The following LPCAT2 variants were observed in gnomAD, a reference collection of about 807,000 sequenced individuals.
LPCAT2 encodes the protein 1-AGP acyltransferase 11.
A neutral mutation model predicts 64.7 loss-of-function variants in LPCAT2; 58 were observed. That is an observed-to-expected ratio of 0.90 (90% CI 0.73 to 1.12). The LOEUF is 1.12. Among genes scored for constraint, LPCAT2 ranks in the 50% most tolerant of loss-of-function variants. The pLI is 0.00. For missense variants in LPCAT2, 579 were observed against 669.8 expected, an observed-to-expected ratio of 0.86 and a Z score of 1.50; for synonymous variants, 252 against 245.3, an observed-to-expected ratio of 1.03 and a Z score of -0.26.
At chr16:55,572,474 C>G (rs771091532) in intron 11 of LPCAT2, among the ~76,000 whole-genome samples, 2 of 152,122 alleles carry the variant, frequency 1.3e-5, no homozygotes, top group African/African-American at 2.4e-5. Flanking sequence ...AGCAATAAAG[C>G]CATGGTTCAA....
At chr16:55,571,627 T>A (rs1161673463) in intron 11 of LPCAT2, among the ~76,000 whole-genome samples, 1 of 151,572 alleles carries the variant, frequency 6.6e-6, no homozygotes, top group Non-Finnish European at 1.5e-5. Flanking sequence ...CAAGTCTGGA[T>A]TTTTTTTTAT....
intron 11 of LPCAT2, among the ~76,000 whole-genome samples, chr16:55,559,858 A>G (rs1205190399): frequency 2.0e-5 from 3 of 150,680 alleles, no homozygotes; most frequent in Non-Finnish European, 4.4e-5. Flanking sequence ...GTTTGGTTCT[A>G]TATGTCTGAG....
Position 55,583,093 on chromosome 16 carries a change from G to T in LPCAT2, c.1630G>T (p.Asp544Tyr). The change falls in exon 14 of 14, where the codon GAC becomes TAC. Residue 544 changes from aspartate (D) to tyrosine (Y), a missense_variant. Asp to Tyr is a radical substitution (Grantham distance 160, BLOSUM62 -3). Transcript: ENST00000262134. ...HEESTSDKKD[D>Y] ...AGAGAGTACCTCAGACAAAAAAGAT[G>T]ACTGAAAGCAGTATTTCCAATAAGG... 2 of 1,610,606 alleles carry T rather than the reference G, an allele frequency of 1.2e-6. No individual in the cohort carries two copies. The highest frequency in any genetic ancestry group is 2.2e-5 in the South Asian group (2 of 90,588).
At chr16:55,509,424 G>A in intron 1 of LPCAT2, 72 bp downstream of exon 1, 1 of 1,309,398 alleles carries the variant, frequency 7.6e-7, no homozygotes, top group African/African-American at 1.5e-5. Context: ...CAGGTAAGGG[G>A]TGTGGGTCTG....
intron 7 of LPCAT2, among the ~76,000 whole-genome samples, chr16:55,534,744 T>C (rs1197384434): frequency 6.6e-6 from 1 of 152,090 alleles, no homozygotes; most frequent in East Asian, 1.9e-4. Context: ...TGTTTGCTAG[T>C]TCGTAAGTGA....
chr16:55,509,366 G>C lies in LPCAT2; in HGVS notation c.171+14G>C. On this transcript the variant is annotated intron_variant, in intron 1 of 13. Transcript: ENST00000262134. ...AGGCGGGTCCAGGTGAGGGGCGTGGGTCTGAGGGGAGAGGTGGTCTGAGGG... is the reference window on the plus strand; with the variant it reads ...AGGCGGGTCCAGGTGAGGGGCGTGGCTCTGAGGGGAGAGGTGGTCTGAGGG... The C allele has an allele frequency of 7.1e-7, 1 of 1,406,176 alleles. No homozygotes were observed. Among genetic ancestry groups the C allele is most frequent in the Non-Finnish European group, 9.4e-7 (1 of 1,069,296 alleles). The allele number at this position is 1,406,176 out of a possible 1,614,324, so 87.1% of individuals were successfully genotyped here.
Position 55,550,958 on chromosome 16 carries a change from G to A in LPCAT2, c.1071G>A (p.Trp357Ter). The change falls in exon 11 of 14, where the codon TGG (tryptophan) becomes TGA (stop). Residue 357 changes from tryptophan (W) to a stop codon, truncating the protein, a stop_gained. Coordinates refer to ENST00000262134, the MANE Select transcript of LPCAT2 (RefSeq NM_017839.5). LOFTEE classifies it high-confidence loss of function. ...TKISRKLKLD[W>*]DGVRKHLDEY... ...TTCTTTGTTTGTTTAGATTAGATTG[G>A]GATGGTGTTCGTAAGCATTTGGATG... The A allele has an allele frequency of 6.3e-7, 1 of 1,597,354 alleles. No individual in the cohort carries two copies. Among genetic ancestry groups the A allele is most frequent in the Non-Finnish European group, 8.6e-7 (1 of 1,169,026 alleles).
intron 12 of LPCAT2, 147 bp from the exon 13 acceptor site, chr16:55,578,961 AG>A: frequency 1.4e-6 from 1 of 702,696 alleles, no homozygotes. Context: ...AGGTGTTGTG[AG>A]GGTAGTAGAG....
At chr16:55,571,369 G>A (rs954732326) in intron 11 of LPCAT2, among the ~76,000 whole-genome samples, 1 of 152,146 alleles carries the variant, frequency 6.6e-6, no homozygotes, top group African/African-American at 2.4e-5. Flanking sequence ...GGGGCCATGA[G>A]CTCACAGTGA....
chr16:55,520,250 C>A (rs1418183044), intron 1 of LPCAT2, among the ~76,000 whole-genome samples: 1 of 152,008 alleles, frequency 6.6e-6, no homozygotes, highest in Admixed American at 6.5e-5. Context: ...GTATTAATAT[C>A]AGATAAAGTA....
At chr16:55,511,459 G>T (rs1340535814) in intron 1 of LPCAT2, among the ~76,000 whole-genome samples, 6 of 152,166 alleles carry the variant, frequency 3.9e-5, no homozygotes, top group African/African-American at 1.4e-4. Flanking sequence ...TTTAGACTAA[G>T]TTTAATCTTA....
At chr16:55,561,682 C>T (rs1283055737) in intron 11 of LPCAT2, among the ~76,000 whole-genome samples, 3 of 151,934 alleles carry the variant, frequency 2.0e-5, no homozygotes, top group Admixed American at 6.6e-5. Context: ...ATTATAAAAA[C>T]AAAGTTCATG....
intron 11 of LPCAT2, among the ~76,000 whole-genome samples, chr16:55,559,416 T>C (rs1482971686): frequency 6.6e-6 from 1 of 152,224 alleles, no homozygotes. Flanking sequence ...AATGTGTTTC[T>C]TTATTCCAAG....
chr16:55,567,170 G>A (rs1400166884), intron 11 of LPCAT2: 1 of 1,613,888 alleles, frequency 6.2e-7, no homozygotes, highest in Non-Finnish European at 8.5e-7. Flanking sequence ...CGACTGGTAA[G>A]CTGGGCTTTG....
At chr16:55,566,710 A>T (rs751857905) in intron 11 of LPCAT2, 9 of 1,547,822 alleles carry the variant, frequency 5.8e-6, no homozygotes, top group African/African-American at 5.5e-5. Flanking sequence ...ATCTTTTTTC[A>T]TACCATCTCT....
intron 11 of LPCAT2, among the ~76,000 whole-genome samples, chr16:55,573,418 C>G (rs1472070375): frequency 1.3e-5 from 2 of 150,724 alleles, no homozygotes; most frequent in Non-Finnish European, 3.0e-5. Flanking sequence ...TAGCCCCTGT[C>G]TCTGTGCCTC....
At position 55,583,083 on chromosome 16, in the gene LPCAT2, CA is replaced by C. The variant is rs1963905410; in HGVS notation, c.1626del (p.Asp543MetfsTer17). The C allele has an allele frequency of 1.9e-6, 3 of 1,609,154 alleles. No individual in the cohort carries two copies. Among genetic ancestry groups the C allele is most frequent in the South Asian group, 2.2e-5 (2 of 90,278 alleles). On this transcript the variant is annotated frameshift_variant, in exon 14 of 14. Coordinates refer to ENST00000262134, the MANE Select transcript of LPCAT2 (RefSeq NM_017839.5). LOFTEE classifies it high-confidence loss of function. The stretch of plus-strand genomic sequence containing the variant: ...AAAAGCATGAAGAGAGTACCTCAGA[CA>C]AAAAAGATGACTGAAAGCAGTATTT... ...PEKHEESTSD[K>X]KDD
chr16:55,533,406 G>GGTTTTTTTTT (rs1183017645), intron 6 of LPCAT2, among the ~76,000 whole-genome samples: 2 of 96,452 alleles, frequency 2.1e-5, no homozygotes, highest in African/African-American at 4.1e-5. Context: ...TGTTTTTCGG[G>GGTTTTTTTTT]TTTTTTTTTT....
At chr16:55,568,561 T>C (rs1596884908) in intron 11 of LPCAT2, among the ~76,000 whole-genome samples, 1 of 152,332 alleles carries the variant, frequency 6.6e-6, no homozygotes, top group East Asian at 1.9e-4. Flanking sequence ...GGAATACTAA[T>C]ACTTGAGTCT....
Sources: gnomAD v4.1 joint callset for allele counts (sites outside exome capture counted in the v4.1 genomes callset) on GRCh38, gnomAD v4.1.1 for gene constraint, MANE v1.5 for transcripts, NCBI Gene and HGNC (gene_info 2026-07-23, HGNC 2026-07-21) for gene names.